EYS: variants seen among roughly 807,000 people sequenced by gnomAD.
The protein encoded by EYS is protein eyes shut homolog.
In EYS, 250 loss-of-function variants were observed where a neutral mutation model predicts 282.1. The ratio of observed to expected loss-of-function variants is 0.89; its 90% CI spans 0.80 to 0.98. The LOEUF (loss-of-function observed/expected upper bound fraction) is 0.98, where lower values mean the gene tolerates loss of function less well. Ranked by LOEUF, EYS falls within the 50% of genes least tolerant of loss-of-function variation. The pLI is 0.00. For synonymous variants in EYS, 1,355 were observed against 1,282.9 expected, an observed-to-expected ratio of 1.06 and a Z score of -1.20; for missense variants, 4,016 against 3,709.0, an observed-to-expected ratio of 1.08 and a Z score of -2.15.
intron 41 of EYS, among the ~76,000 whole-genome samples, chr6:63,743,568 A>C (rs1360123164): frequency 1.3e-5 from 2 of 152,220 alleles, no homozygotes; most frequent in South Asian, 2.1e-4. Flanking sequence ...CAAGCATTCA[A>C]GTTGTCAGAT....
At chr6:65,470,508 A>T (rs1243132048) in intron 5 of EYS, among the ~76,000 whole-genome samples, 2 of 152,074 alleles carry the variant, frequency 1.3e-5, no homozygotes. Flanking sequence ...TATACATTCA[A>T]TTTTTTTGCA....
intron 31 of EYS, among the ~76,000 whole-genome samples, chr6:64,168,947 G>T (rs948160800): frequency 6.6e-6 from 1 of 152,096 alleles, no homozygotes; most frequent in African/African-American, 2.4e-5. Context: ...GAGTCTCAAG[G>T]TAAAAATCAG....
intron 12 of EYS, among the ~76,000 whole-genome samples, chr6:65,075,397 A>T (rs1384551124): frequency 3.3e-5 from 5 of 152,050 alleles, no homozygotes; most frequent in Admixed American, 6.6e-5. Context: ...ACTACTATAT[A>T]AACATAAATT....
intron 5 of EYS, among the ~76,000 whole-genome samples, chr6:65,443,023 TAC>T (rs1460448878): frequency 1.4e-5 from 2 of 140,208 alleles, no homozygotes; most frequent in Admixed American, 7.6e-5. Context: ...TCTGTAAATA[TAC>T]ACACATATAT....
chr6:63,937,340 CTTTTCTTT>C (rs1765089284), intron 35 of EYS, among the ~76,000 whole-genome samples: 3 of 46,088 alleles, frequency 6.5e-5, no homozygotes, highest in Non-Finnish European at 9.3e-5. Flanking sequence ...AGGCTTCTCT[CTTTTCTTT>C]TTTTTTTTTT....
chr6:65,416,722 T>TAA (rs1767255509), intron 5 of EYS, among the ~76,000 whole-genome samples: 1 of 151,950 alleles, frequency 6.6e-6, no homozygotes, highest in Non-Finnish European at 1.5e-5. Flanking sequence ...GCACTGCAGT[T>TAA]AGTTGAGTAT....
chr6:65,278,210 A>G (rs997683947), intron 12 of EYS, among the ~76,000 whole-genome samples: 5 of 145,772 alleles, frequency 3.4e-5, no homozygotes, highest in Non-Finnish European at 6.0e-5. Context: ...TAGACTGCAG[A>G]TCTGGCTGCT....
chr6:64,273,116 G>A (rs1164574670), intron 30 of EYS, among the ~76,000 whole-genome samples: 1 of 152,016 alleles, frequency 6.6e-6, no homozygotes, highest in Non-Finnish European at 1.5e-5. Flanking sequence ...CATGATGAAT[G>A]GAAGTGGTAA....
At position 65,344,161 on chromosome 6, in the gene EYS, C is replaced by G; in HGVS notation, c.1476G>C (p.Lys492Asn). The G allele has an allele frequency of 6.2e-7, 1 of 1,609,444 alleles. No homozygotes were observed. The highest frequency in any genetic ancestry group is 2.2e-5 in the East Asian group (1 of 44,658). ...AATAGGCATCAATAACCCCTTGGCACTTTTCGCCTTCAGATCCTTTAAAAA... is the reference window on the plus strand; with the variant it reads ...AATAGGCATCAATAACCCCTTGGCAGTTTTCGCCTTCAGATCCTTTAAAAA... ...QLGFAGSEGE[K>N]CQGVIDAYFF... is the part of the protein sequence containing the mutation. The change falls in exon 10 of 43, where the codon AAG becomes AAC. Residue 492 changes from lysine (K) to asparagine (N), a missense_variant. By Grantham distance (94) the Lys-to-Asn change is moderately conservative (BLOSUM62 0). Coordinates refer to ENST00000503581, the MANE Select transcript of EYS (RefSeq NM_001142800.2).
intron 12 of EYS, among the ~76,000 whole-genome samples, chr6:65,251,644 C>T (rs569958292): frequency 6.6e-6 from 1 of 151,984 alleles, no homozygotes; most frequent in Non-Finnish European, 1.5e-5. Flanking sequence ...AGGACTGACT[C>T]AAGCAAACAG....
chr6:65,191,925 G>A (rs1333737698), intron 12 of EYS, among the ~76,000 whole-genome samples: 1 of 150,420 alleles, frequency 6.6e-6, no homozygotes, highest in Non-Finnish European at 1.5e-5. Context: ...TAACTTAAGG[G>A]TAATGCATTG....
At chr6:64,621,656 T>C (rs141345739) in intron 23 of EYS, among the ~76,000 whole-genome samples, 4 of 152,332 alleles carry the variant, frequency 2.6e-5, no homozygotes, top group African/African-American at 7.2e-5. Flanking sequence ...GCAGATATTA[T>C]CTATGTTTGT....
intron 2 of EYS, among the ~76,000 whole-genome samples, chr6:65,582,079 C>T (rs1378456478): frequency 6.6e-6 from 1 of 151,338 alleles, no homozygotes; most frequent in Non-Finnish European, 1.5e-5. Context: ...ACCTGTAATC[C>T]CAGCTACTCG....
At chr6:65,354,554 G>A (rs985739667) in intron 8 of EYS, among the ~76,000 whole-genome samples, 15 of 152,120 alleles carry the variant, frequency 9.9e-5, no homozygotes, top group African/African-American at 3.1e-4. Flanking sequence ...GGTGCCTCAT[G>A]CCTGTAATCC....
intron 22 of EYS, among the ~76,000 whole-genome samples, chr6:64,687,793 C>T (rs758257494): frequency 2.0e-4 from 30 of 152,188 alleles, no homozygotes; most frequent in Admixed American, 4.6e-4. Context: ...TCAGAAGGAA[C>T]GGTACCATCT....
chr6:64,757,309 C>T (rs1447904744), intron 22 of EYS, among the ~76,000 whole-genome samples: 1 of 152,134 alleles, frequency 6.6e-6, no homozygotes, highest in Non-Finnish European at 1.5e-5. Context: ...TAATTTTCTT[C>T]ACTGCTCCCA....
chr6:64,117,332 C>CCG (rs1773420854), intron 31 of EYS, among the ~76,000 whole-genome samples: 1 of 148,796 alleles, frequency 6.7e-6, no homozygotes, highest in African/African-American at 2.5e-5. Context: ...GGAACAACCC[C>CCG]CCCCCCAATT....
chr6:63,821,330 A>G (rs1180126627), intron 36 of EYS: 1 of 152,226 alleles, frequency 6.6e-6, no homozygotes, highest in African/African-American at 2.4e-5. Flanking sequence ...TGAGGGATTT[A>G]TAAAGCAGGA....
intron 22 of EYS, among the ~76,000 whole-genome samples, chr6:64,806,920 A>G (rs1764447906): frequency 6.6e-6 from 1 of 152,134 alleles, no homozygotes; most frequent in Non-Finnish European, 1.5e-5. Context: ...TGTGTAATCT[A>G]CAGATTAAAA....
Sources: gnomAD v4.1 joint callset for allele counts (sites outside exome capture counted in the v4.1 genomes callset) on GRCh38, gnomAD v4.1.1 for gene constraint, MANE v1.5 for transcripts, NCBI Gene and HGNC (gene_info 2026-07-23, HGNC 2026-07-21) for gene names.